PCDHGC4: variants seen among roughly 807,000 people sequenced by gnomAD.
The protein encoded by PCDHGC4 is protocadherin gamma subfamily C, 4.
Under a neutral mutation model 59.7 loss-of-function variants are expected in PCDHGC4, and 15 were observed. The ratio of observed to expected loss-of-function variants is 0.25; its 90% CI spans 0.17 to 0.39. PCDHGC4 has a LOEUF of 0.39. Among genes scored for constraint, PCDHGC4 ranks in the 10% least tolerant of loss-of-function variants. The pLI is 1.00. For synonymous variants in PCDHGC4, 434 were observed against 481.4 expected (o/e 0.90, Z 1.29); for missense variants, 1,016 against 1,189.5 (o/e 0.85, Z 2.15).
rs374154790 is a variant in PCDHGC4, at chr5:141,490,709, C to A, written c.2442+3094C>A. The A allele has an allele frequency of 3.2e-5, 52 of 1,614,218 alleles. No homozygotes were observed. In the African/African-American group the frequency reaches 6.3e-4, roughly 19 times the overall value. On this transcript the variant is annotated intron_variant, in intron 1 of 3. Coordinates refer to ENST00000306593, the MANE Select transcript of PCDHGC4 (RefSeq NM_018928.3). The surrounding 1 kb of genome is among the most constrained non-coding windows in gnomAD (Gnocchi z 5.4). ...GACACTGGGGATAATGCCCGCCTCA[C>A]CTACTCCATTGTAGGAAATCAGGTT...
intron 3 of PCDHGC4, among the ~76,000 whole-genome samples, chr5:141,510,266 C>T (rs1202092142): frequency 7.0e-6 from 1 of 143,198 alleles, no homozygotes; most frequent in Non-Finnish European, 1.5e-5. Flanking sequence ...GAGCAGGACT[C>T]CATCTTAAAA....
At chr5:141,508,408 C>T (rs938019804) in intron 3 of PCDHGC4, 1 of 152,180 alleles carries the variant, frequency 6.6e-6, no homozygotes, top group Non-Finnish European at 1.5e-5. Context: ...GCTTGAGCCA[C>T]GCAGAGACTT....
chr5:141,497,125 G>A (rs968031174), intron 2 of PCDHGC4, among the ~76,000 whole-genome samples: 1 of 152,094 alleles, frequency 6.6e-6, no homozygotes, highest in South Asian at 2.1e-4. Context: ...GGCAGAGGTT[G>A]CAGTGAGCTG....
At chr5:141,505,127 A>C (rs926566427) in intron 2 of PCDHGC4, among the ~76,000 whole-genome samples, 1 of 152,158 alleles carries the variant, frequency 6.6e-6, no homozygotes, top group Non-Finnish European at 1.5e-5. Context: ...GCGCCACTGC[A>C]CTCCAGCCTG....
intron 3 of PCDHGC4, among the ~76,000 whole-genome samples, chr5:141,505,926 G>T (rs114056147): frequency 6.6e-6 from 1 of 152,146 alleles, no homozygotes; most frequent in African/African-American, 2.4e-5. Flanking sequence ...TGGGCCTGGC[G>T]CTTGGAAGCC....
chr5:141,509,839 T>C (rs1277859334), intron 3 of PCDHGC4, among the ~76,000 whole-genome samples: 4 of 152,162 alleles, frequency 2.6e-5, no homozygotes, highest in Non-Finnish European at 5.9e-5. Context: ...CTACCTCCCA[T>C]TCACTCAGAA....
Position 141,489,624 on chromosome 5 carries a change from C to T in PCDHGC4, c.2442+2009C>T. 1 of 1,614,088 alleles carries T rather than the reference C, an allele frequency of 6.2e-7. No homozygotes were observed. On this transcript the variant is annotated intron_variant, in intron 1 of 3. Transcript: ENST00000306593. The surrounding 1 kb of genome is among the most constrained non-coding windows in gnomAD (Gnocchi z 4.5). Reference sequence around the variant, plus strand: ...AGGTAGAGATCCTGGATCTCAATGACAACTCTCCTAGCTTTGCCACCCCTG... The same window carrying T: ...AGGTAGAGATCCTGGATCTCAATGATAACTCTCCTAGCTTTGCCACCCCTG...
At chr5:141,497,050 G>T (rs113054804) in intron 2 of PCDHGC4, among the ~76,000 whole-genome samples, 5,544 of 152,084 alleles carry the variant, frequency 0.036, 137 homozygotes, top group South Asian at 0.074. Context: ...TTAGCCAGGC[G>T]TGGTGGCAGG....
chr5:141,492,499 C>T (rs2099741220), intron 1 of PCDHGC4, among the ~76,000 whole-genome samples: 1 of 152,198 alleles, frequency 6.6e-6, no homozygotes. Context: ...GGCGAGGACT[C>T]CGGAGCCTCC....
rs115607451 is a variant in PCDHGC4, at chr5:141,508,636, A to C, written c.2591-2311A>C. Among the ~76,000 whole-genome samples, 998 of 151,746 alleles carry C rather than the reference A, an allele frequency of 6.6e-3. 12 individuals are homozygous for C. The highest frequency in any genetic ancestry group is 0.023 in the African/African-American group (958 of 41,372). ...ACGTGGGTGGGCCGAGCTTCTAGCT[A>C]CTCCGTCAGGCCCTTCCTGTCATTC... On this transcript the variant is annotated intron_variant, in intron 3 of 3. Transcript: ENST00000306593.
chr5:141,502,450 C>T (rs184669731), intron 2 of PCDHGC4, among the ~76,000 whole-genome samples: 3 of 152,010 alleles, frequency 2.0e-5, no homozygotes, highest in Admixed American at 1.3e-4. Context: ...AGATTACACA[C>T]CTTGGTAGGA....
chr5:141,506,471 C>T (rs2099854191), intron 3 of PCDHGC4, among the ~76,000 whole-genome samples: 2 of 148,834 alleles, frequency 1.3e-5, no homozygotes, highest in African/African-American at 5.0e-5. Flanking sequence ...AAAAAGAGCA[C>T]AGGCTTTAGA....
At position 141,511,248 on chromosome 5, in the gene PCDHGC4, C is replaced by T; in HGVS notation, c.*75C>T. ...AGCTTCTCCTTACCTGCACCCAGGC[C>T]TCAGAGTTTCAGGGCTAACCCCCAG... On this transcript the variant is annotated 3_prime_UTR_variant, in exon 4 of 4. Transcript: ENST00000306593. 6.4e-7 allele frequency: 1 copy of T among 1,574,736 alleles called. No homozygotes were observed. The highest frequency in any genetic ancestry group is 8.6e-7 in the Non-Finnish European group (1 of 1,160,336).
chr5:141,498,390 T>C (rs2099783500), intron 2 of PCDHGC4, among the ~76,000 whole-genome samples: 1 of 151,982 alleles, frequency 6.6e-6, no homozygotes, highest in Non-Finnish European at 1.5e-5. Context: ...ATCAAGGGAA[T>C]GGCAGGGAGT....
chr5:141,494,855 G>C lies in PCDHGC4; in HGVS notation c.2491G>C (p.Gly831Arg), dbSNP rs200418116. The C allele has an allele frequency of 6.2e-7, 1 of 1,614,092 alleles. No homozygotes were observed. Among genetic ancestry groups the C allele is most frequent in the South Asian group, 1.1e-5 (1 of 91,072 alleles). ...DWRFSQAQRP[G>R]TSGSQNGDDT... is the part of the protein sequence containing the mutation. ...GCGTTTCTCTCAGGCCCAGAGACCC[G>C]GCACCAGCGGGTAGGTGACTGATTC... The change falls in exon 2 of 4, where the codon GGC (glycine) becomes CGC (arginine). Residue 831 changes from glycine (G) to arginine (R), a missense_variant. Transcript: ENST00000306593.
In PCDHGC4 at chr5:141,486,531, C is replaced by T; in HGVS notation, c.1358C>T (p.Pro453Leu). The T allele has an allele frequency of 6.2e-7, 1 of 1,614,062 alleles. No homozygotes were observed. Among genetic ancestry groups the T allele is most frequent in the Non-Finnish European group, 8.5e-7 (1 of 1,180,020 alleles). Reference sequence around the variant, plus strand: ...ATTTCAGATGTGAATGATAATCCACCCTCTTTCTTTCAGAGGTCACATGAG... The same window carrying T: ...ATTTCAGATGTGAATGATAATCCACTCTCTTTCTTTCAGAGGTCACATGAG... ...LNISDVNDNP[P>L]SFFQRSHEVF... Residue 453 changes from proline (P) to leucine (L), a missense_variant, in exon 1 of 4, where the codon CCC (proline) becomes CTC (leucine). Physicochemically the swap from Pro to Leu is moderately conservative, Grantham distance 98. Transcript: ENST00000306593. This position sits in a 1 kb window ranked among gnomAD's most constrained non-coding sequence, Gnocchi z 5.0.
Position 141,491,650 on chromosome 5 carries a change from G to C in PCDHGC4, c.2443-3157G>C, listed in dbSNP as rs1283977913. On this transcript the variant is annotated intron_variant, in intron 1 of 3. Coordinates refer to ENST00000306593, the MANE Select transcript of PCDHGC4 (RefSeq NM_018928.3). The surrounding 1 kb of genome is among the most constrained non-coding windows in gnomAD (Gnocchi z 6.9). ...TCAGCAGCCCACAGCTCTGGCGCTG[G>C]AGCCTGACGCCATCCGGTCCCGCTC... The C allele has an allele frequency of 6.2e-7, 1 of 1,613,876 alleles. No individual in the cohort carries two copies. The highest frequency in any genetic ancestry group is 1.7e-5 in the Admixed American group (1 of 60,034).
intron 2 of PCDHGC4, among the ~76,000 whole-genome samples, chr5:141,502,827 A>G (rs1003204508): frequency 2.7e-5 from 4 of 150,478 alleles, no homozygotes; most frequent in African/African-American, 9.8e-5. Flanking sequence ...TCCTTGGGGA[A>G]GCCTGGACTG....
chr5:141,505,317 G>A, intron 2 of PCDHGC4, 76 bp from the exon 3 acceptor site: 1 of 1,603,092 alleles, frequency 6.2e-7, no homozygotes, highest in Non-Finnish European at 8.5e-7. Flanking sequence ...AGGTTTGGGA[G>A]CCCTGGGAGA....
Sources: gnomAD v4.1 joint callset for allele counts (sites outside exome capture counted in the v4.1 genomes callset) on GRCh38, gnomAD v4.1.1 for gene constraint, Gnocchi (gnomAD v3.1) non-coding constraint, MANE v1.5 for transcripts, NCBI Gene and HGNC (gene_info 2026-07-23, HGNC 2026-07-21) for gene names.